The following TRAPPC9 variants were observed in gnomAD, a reference collection of about 807,000 sequenced individuals.
TRAPPC9 encodes trafficking protein particle complex subunit 9, also known as IKK2 binding protein.
TRAPPC9 carries 83 observed loss-of-function variants against 124.0 expected under a neutral mutation model. The observed-to-expected ratio is 0.67, with a 90% confidence interval of 0.56 to 0.80. The LOEUF is 0.80. Among genes scored for constraint, TRAPPC9 ranks in the 30% least tolerant of loss-of-function variants. The pLI is 0.00. For missense variants in TRAPPC9, 1,302 were observed against 1,508.3 expected, an observed-to-expected ratio of 0.86 and a Z score of 2.27; for synonymous variants, 638 against 617.5, an observed-to-expected ratio of 1.03 and a Z score of -0.49.
At chr8:139,948,707 G>A (rs540850918) in intron 19 of TRAPPC9, among the ~76,000 whole-genome samples, 6 of 152,288 alleles carry the variant, frequency 3.9e-5, no homozygotes, top group Non-Finnish European at 8.8e-5. Context: ...CAGGCCTCAC[G>A]CACAGGTGCC....
chr8:139,988,800 G>A lies in TRAPPC9; in HGVS notation c.2736C>T (p.Asn912=). 1 of 1,551,576 alleles carries A rather than the reference G, an allele frequency of 6.4e-7. No individual in the cohort carries two copies. Among genetic ancestry groups the A allele is most frequent in the Non-Finnish European group, 8.7e-7 (1 of 1,146,982 alleles). Residue 912 remains asparagine (N), a synonymous_variant, in exon 19 of 23, where the codon AAC becomes AAT. Coordinates refer to ENST00000438773, the MANE Select transcript of TRAPPC9 (RefSeq NM_001160372.4). ...TGACGGTCAGCTCATGCTCGGTGGAGTTGAAGACATCCAGGAGCAGGTGAC... is the reference window on the plus strand; with the variant it reads ...TGACGGTCAGCTCATGCTCGGTGGAATTGAAGACATCCAGGAGCAGGTGAC... The part of the protein sequence containing the change: ...RQCHLLLDVF[N]STEHELTVST...
chr8:140,456,701 A>G, intron 1 of TRAPPC9: 1 of 715,928 alleles, frequency 1.4e-6, no homozygotes, highest in Non-Finnish European at 1.7e-6. Context: ...TTAACAAATA[A>G]AGATGTCATA....
chr8:139,981,001 T>C (rs935405769), intron 19 of TRAPPC9, among the ~76,000 whole-genome samples: 11 of 152,208 alleles, frequency 7.2e-5, no homozygotes, highest in Non-Finnish European at 1.6e-4. Context: ...TTTTCTTTTC[T>C]CACAGAAAGA....
intron 21 of TRAPPC9, among the ~76,000 whole-genome samples, chr8:139,844,436 T>C (rs1479330173): frequency 6.6e-6 from 1 of 152,216 alleles, no homozygotes; most frequent in Non-Finnish European, 1.5e-5. Context: ...GCTTTTCTAT[T>C]TCGTCAAGAC....
At chr8:140,407,706 C>T (rs1391592250) in intron 5 of TRAPPC9, among the ~76,000 whole-genome samples, 1 of 152,150 alleles carries the variant, frequency 6.6e-6, no homozygotes, top group African/African-American at 2.4e-5. Context: ...TACAACCCCC[C>T]TCCTCGCTAC....
At chr8:140,458,414 C>G (rs773807187), upstream of TRAPPC9, 2 of 1,588,562 alleles carry the variant, frequency 1.3e-6, no homozygotes, top group Admixed American at 3.5e-5. Context: ...CTCCCACGGT[C>G]GTGCCCCCCA....
At chr8:140,398,353 C>T (rs1219600391) in intron 6 of TRAPPC9, among the ~76,000 whole-genome samples, 1 of 152,172 alleles carries the variant, frequency 6.6e-6, no homozygotes, top group African/African-American at 2.4e-5. Context: ...GTTTGGAGGG[C>T]TCAGAAGAAG....
intron 19 of TRAPPC9, among the ~76,000 whole-genome samples, chr8:139,943,345 G>A (rs1834024980): frequency 6.6e-6 from 1 of 152,198 alleles, no homozygotes; most frequent in Non-Finnish European, 1.5e-5. Context: ...GGGATTACAG[G>A]CATGAACCAC....
At chr8:140,014,035 G>A (rs75974967) in intron 18 of TRAPPC9, among the ~76,000 whole-genome samples, 1,662 of 152,106 alleles carry the variant, frequency 0.011, 32 homozygotes, top group African/African-American at 0.038. Context: ...CATAGCAACT[G>A]GAAAAAGATC....
intron 16 of TRAPPC9, among the ~76,000 whole-genome samples, chr8:140,248,239 C>G (rs1037325405): frequency 6.6e-6 from 1 of 152,242 alleles, no homozygotes; most frequent in African/African-American, 2.4e-5. Flanking sequence ...TTCTCCTCCC[C>G]TAGTTTCAGC....
At chr8:140,458,256 G>A (rs1485963143), upstream of TRAPPC9, 1 of 1,551,602 alleles carries the variant, frequency 6.4e-7, no homozygotes, top group Non-Finnish European at 8.7e-7. Flanking sequence ...CTGGAAGGAG[G>A]CCCAGTTCTG....
chr8:139,993,520 C>T (rs1203131621), intron 18 of TRAPPC9, among the ~76,000 whole-genome samples: 1 of 152,220 alleles, frequency 6.6e-6, no homozygotes, highest in Non-Finnish European at 1.5e-5. Context: ...TTTGACCGAA[C>T]AATTCCATTT....
chr8:140,166,116 T>C (rs2061833752), intron 17 of TRAPPC9, among the ~76,000 whole-genome samples: 1 of 152,102 alleles, frequency 6.6e-6, no homozygotes, highest in Non-Finnish European at 1.5e-5. Flanking sequence ...GCAACCTCAG[T>C]GCGATAACAC....
At chr8:139,790,651 C>T (rs1402933002) in intron 21 of TRAPPC9, among the ~76,000 whole-genome samples, 1 of 152,166 alleles carries the variant, frequency 6.6e-6, no homozygotes. Context: ...AGCATGGACG[C>T]CGCTGCACGT....
At chr8:140,221,379 G>A in intron 17 of TRAPPC9, 80 bp downstream of exon 17, 2 of 1,586,054 alleles carry the variant, frequency 1.3e-6, no homozygotes, top group Admixed American at 1.7e-5. Context: ...TTCTGAAAAG[G>A]ACTCAGAGCT....
chr8:140,170,699 A>G (rs2130942647), intron 17 of TRAPPC9, among the ~76,000 whole-genome samples: 1 of 152,308 alleles, frequency 6.6e-6, no homozygotes, highest in East Asian at 1.9e-4. Context: ...TCTTTGAAGG[A>G]AAGCAAGGAC....
intron 17 of TRAPPC9, among the ~76,000 whole-genome samples, chr8:140,037,483 G>T (rs1587556245): frequency 6.6e-6 from 1 of 151,924 alleles, no homozygotes; most frequent in Admixed American, 6.6e-5. Context: ...GGCCCCAATT[G>T]CCCAGCTACA....
intron 17 of TRAPPC9, among the ~76,000 whole-genome samples, chr8:140,086,156 GGA>G (rs1844172734): frequency 6.6e-6 from 1 of 152,186 alleles, no homozygotes; most frequent in African/African-American, 2.4e-5. Flanking sequence ...ATCGTGTGCT[GGA>G]GAGCGGGTAT....
At chr8:140,068,943 A>T (rs949079760) in intron 17 of TRAPPC9, among the ~76,000 whole-genome samples, 8 of 152,338 alleles carry the variant, frequency 5.3e-5, no homozygotes, top group African/African-American at 1.9e-4. Context: ...TATAGGGGAT[A>T]AAAAAACACA....
Sources: allele counts gnomAD v4.1 joint callset (sites outside exome capture counted in the v4.1 genomes callset), GRCh38; gene constraint gnomAD v4.1.1; transcripts MANE v1.5; gene names NCBI Gene and HGNC (gene_info 2026-07-23, HGNC 2026-07-21).